Variants in KRT74 observed in about 807,000 individuals in gnomAD.
KRT74 encodes keratin 74, also known as keratin, type II cytoskeletal 74.
A neutral mutation model predicts 42.7 loss-of-function variants in KRT74; 43 were observed. That is an observed-to-expected ratio of 1.01 (90% CI 0.79 to 1.30). The LOEUF is 1.30. KRT74 is among the 50% of genes most tolerant of loss of function. The pLI is 0.00. For synonymous variants in KRT74, 302 were observed against 279.0 expected (o/e 1.08, Z -0.82); for missense variants, 736 against 689.1 (o/e 1.07, Z -0.76).
chr12:52,570,015 G>A lies in KRT74; in HGVS notation c.1009-31C>T, dbSNP rs1235046236. ...TTCCCAGAGATAGGAAGTTGGTGAT[G>A]AGACAAGGGCACTGGGGAAGGGTCC... On this transcript the variant is annotated intron_variant, in intron 5 of 8. Transcript: ENST00000305620. 3.7e-6 allele frequency: 6 copies of A among 1,613,310 alleles called. No individual in the cohort carries two copies. The Admixed American group carries it at 1.0e-4, about 27-fold the overall frequency.
At chr12:52,569,407 C>CT in intron 6 of KRT74, 3 of 503,236 alleles carry the variant, frequency 6.0e-6, no homozygotes, top group Non-Finnish European at 1.0e-5. Context: ...AACAGAGGCG[C>CT]CTGATGCATA....
chr12:52,572,430 A>AC, intron 2 of KRT74, 23 bp downstream of exon 2: 1 of 1,612,572 alleles, frequency 6.2e-7, no homozygotes, highest in South Asian at 1.1e-5. Context: ...ATGGTCTGTG[A>AC]CCCTCGGGTG....
chr12:52,572,488 T>C lies in KRT74; in HGVS notation c.651A>G (p.Arg217=), dbSNP rs1565608789. 3 of 1,614,086 alleles carry C rather than the reference T, an allele frequency of 1.9e-6. No homozygotes were observed. The African/African-American group carries it at 4.0e-5, about 22-fold the overall frequency. The stretch of plus-strand genomic sequence containing the variant: ...AGTCCTCCACCAGATCCCTCATGCT[T>C]CTCAGCTCCGAGTCCAGCCTCACCC... ...GDRVRLDSEL[R]SMRDLVEDYK... is the part of the protein sequence containing the mutation. The change falls in exon 2 of 9, where the codon AGA becomes AGG. Residue 217 remains arginine, a synonymous_variant. Transcript: ENST00000305620.
chr12:52,569,878 A>T lies in KRT74; in HGVS notation c.1115T>A (p.Ile372Asn). ...NRLIQRIRCE[I>N]GNVKKQRASL... ...GCCCACCTGCTTCTTCACATTCCCG[A>T]TCTCACACCGGATCCTCTGGATGAG... is the stretch of plus-strand genomic sequence containing the variant. The change falls in exon 6 of 9, where the codon ATC becomes AAC. Residue 372 changes from isoleucine (I) to asparagine (N), a missense_variant. By Grantham distance (149) the Ile-to-Asn change is moderately radical. Coordinates refer to ENST00000305620, the MANE Select transcript of KRT74 (RefSeq NM_175053.4). 1.9e-6 allele frequency: 3 copies of T among 1,614,060 alleles called. No homozygotes were observed. Among genetic ancestry groups the T allele is most frequent in the Non-Finnish European group, 2.5e-6 (3 of 1,180,000 alleles).
chr12:52,570,547 C>G (rs1166004781), intron 5 of KRT74, 122 bp downstream of exon 5: 6 of 1,052,820 alleles, frequency 5.7e-6, no homozygotes, highest in Admixed American at 4.1e-5. Flanking sequence ...TTCCTTGAAG[C>G]CTTGGTTGGA....
In KRT74 at chr12:52,573,563, C is replaced by A; in HGVS notation, c.215G>T (p.Gly72Val). 1 of 1,614,112 alleles carries A rather than the reference C, an allele frequency of 6.2e-7. No homozygotes were observed. Residue 72 changes from glycine (G) to valine (V), a missense_variant, in exon 1 of 9, where the codon GGT (glycine) becomes GTT (valine). Gly to Val is a moderately radical substitution (Grantham distance 109). Transcript: ENST00000305620. Reference sequence around the variant, plus strand: ...CCCAGAGCCAGGCCTGAAGCCGTAACCTCCAGCCCGAACGCCGCCACCAGC... The same window carrying A: ...CCCAGAGCCAGGCCTGAAGCCGTAAACTCCAGCCCGAACGCCGCCACCAGC... ...NVAGGGVRAG[G>V]YGFRPGSGYG...
rs1215747738 is a variant in KRT74, at chr12:52,573,769, C to G, written c.9G>C (p.Arg3=). The part of the protein sequence containing the change: MS[R]QLNIKSSGDK... Reference sequence around the variant, plus strand: ...CACCACTGGACTTGATGTTCAGTTGCCGACTCATGGTGGGAAAGGTTGAGT... The same window carrying G: ...CACCACTGGACTTGATGTTCAGTTGGCGACTCATGGTGGGAAAGGTTGAGT... Residue 3 remains arginine, a synonymous_variant, in exon 1 of 9, where the codon CGG becomes CGC. Transcript: ENST00000305620. 1 of 1,612,916 alleles carries G rather than the reference C, an allele frequency of 6.2e-7. No homozygotes were observed. The highest frequency in any genetic ancestry group is 2.2e-5 in the East Asian group (1 of 44,884).
intron 2 of KRT74, 45 bp downstream of exon 2, chr12:52,572,408 G>A (rs1359203695): frequency 6.2e-7 from 1 of 1,601,118 alleles, no homozygotes; most frequent in South Asian, 1.1e-5. Context: ...TGAGCCCAGA[G>A]GCACGGGAAA....
rs1207108043 is a variant in KRT74, at chr12:52,572,502, C to T, written c.637G>A (p.Asp213Asn). ...ETLSGDRVRL[D>N]SELRSMRDLV... Reference sequence around the variant, plus strand: ...TCCCTCATGCTTCTCAGCTCCGAGTCCAGCCTCACCCTGTCCCCAGACAGT... The same window carrying T: ...TCCCTCATGCTTCTCAGCTCCGAGTTCAGCCTCACCCTGTCCCCAGACAGT... The change falls in exon 2 of 9, where the codon GAC becomes AAC. Residue 213 changes from aspartate (D) to asparagine (N), a missense_variant. Coordinates refer to ENST00000305620, the MANE Select transcript of KRT74 (RefSeq NM_175053.4). 1 of 1,614,172 alleles carries T rather than the reference C, an allele frequency of 6.2e-7. No homozygotes were observed. The highest frequency in any genetic ancestry group is 8.5e-7 in the Non-Finnish European group (1 of 1,180,046).
intron 1 of KRT74, among the ~76,000 whole-genome samples, 188 bp from the exon 2 acceptor site, chr12:52,572,855 C>A (rs1005205181): frequency 6.6e-6 from 1 of 152,186 alleles, no homozygotes; most frequent in Non-Finnish European, 1.5e-5. Context: ...GCCTTCTGGA[C>A]AAGGCATCAC....
chr12:52,569,395 C>A (rs1939435095), intron 6 of KRT74: 2 of 488,256 alleles, frequency 4.1e-6, no homozygotes, highest in Non-Finnish European at 7.2e-6. Context: ...CCTGGTGTGG[C>A]CAACAGAGGC....
intron 6 of KRT74, 73 bp from the exon 7 acceptor site, chr12:52,568,462 T>A (rs779304763): frequency 4.5e-5 from 68 of 1,516,746 alleles, no homozygotes; most frequent in Non-Finnish European, 6.0e-5. Context: ...AGTAGAACAA[T>A]GCCCTCATTT....
At chr12:52,568,870 TG>T (rs1203285836) in intron 6 of KRT74, among the ~76,000 whole-genome samples, 1 of 152,152 alleles carries the variant, frequency 6.6e-6, no homozygotes, top group East Asian at 1.9e-4. Context: ...GGAGAGTCTG[TG>T]TGAAGGCTCC....
chr12:52,572,729 A>G, intron 1 of KRT74, 62 bp from the exon 2 acceptor site: 4 of 1,423,536 alleles, frequency 2.8e-6, no homozygotes, highest in Non-Finnish European at 4.0e-6. Flanking sequence ...CCCTGGACAC[A>G]CACCATTGAC....
chr12:52,571,905 T>C (rs773599049), intron 3 of KRT74, 39 bp downstream of exon 3: 2 of 1,304,350 alleles, frequency 1.5e-6, no homozygotes, highest in Admixed American at 3.4e-5. Context: ...AAGATGGGGG[T>C]GCGAGAGACC....
chr12:52,568,444 A>G (rs768808701), intron 6 of KRT74, 55 bp from the exon 7 acceptor site: 24 of 1,573,322 alleles, frequency 1.5e-5, no homozygotes, highest in Non-Finnish European at 1.9e-5. Context: ...TTTAGCTCAT[A>G]CCAGTTAAGT....
rs142606051 is a variant in KRT74, at chr12:52,567,144, C to A, written c.1415G>T (p.Ser472Ile). 1.4e-5 allele frequency: 23 copies of A among 1,603,796 alleles called. No individual in the cohort carries two copies. The Middle Eastern group carries it at 5.0e-4, about 35-fold the overall frequency. The change falls in exon 9 of 9, where the codon AGC becomes ATC. Residue 472 changes from serine (S) to isoleucine (I), a missense_variant. Coordinates refer to ENST00000305620, the MANE Select transcript of KRT74 (RefSeq NM_175053.4). ...SISVISSSSYSYHHPSSAGVD... is the reference protein window; with the variant it reads ...SISVISSSSYIYHHPSSAGVD... ...ACCCGCAGAGCTGGGGTGGTGGTAG[C>A]TGTAGCTGCTACTGCTGATGACAGC...
rs770979851 is a variant in KRT74 at position 52,566,745 on chromosome 12, C to T, written c.*224G>A. On this transcript the variant is annotated 3_prime_UTR_variant, in exon 9 of 9. Coordinates refer to ENST00000305620, the MANE Select transcript of KRT74 (RefSeq NM_175053.4). ...AAAGCCTCCTGCCAGCCAAAGGCAG[C>T]GAGGAAAATGAGAAGTCGTTAGTCC... 8 of 430,732 alleles carry T rather than the reference C, an allele frequency of 1.9e-5. No homozygotes were observed. The highest frequency in any genetic ancestry group is 3.3e-5 in the East Asian group (1 of 30,064). The allele number at this position is 430,732 out of a possible 1,614,324, so 26.7% of individuals were successfully genotyped here.
intron 2 of KRT74, among the ~76,000 whole-genome samples, 178 bp downstream of exon 2, chr12:52,572,275 A>G (rs776652284): frequency 9.2e-5 from 14 of 152,196 alleles, no homozygotes; most frequent in Non-Finnish European, 1.6e-4. Flanking sequence ...CTTCCTATCA[A>G]CTAGGCAGGA....
Sources: allele counts gnomAD v4.1 joint callset (sites outside exome capture counted in the v4.1 genomes callset), GRCh38; gene constraint gnomAD v4.1.1; transcripts MANE v1.5; gene names NCBI Gene and HGNC (gene_info 2026-07-23, HGNC 2026-07-21).